Variants in GOLGB1 observed in about 807,000 individuals in gnomAD.
GOLGB1 encodes golgin subfamily B member 1.
In GOLGB1, 174 loss-of-function variants were observed where a neutral mutation model predicts 336.9. The ratio of observed to expected loss-of-function variants is 0.52; its 90% CI spans 0.46 to 0.59. GOLGB1 has a LOEUF of 0.59. GOLGB1 is among the 20% of genes least tolerant of loss of function. GOLGB1 has a pLI of 0.00. For synonymous variants in GOLGB1, 1,208 were observed against 1,289.2 expected, an observed-to-expected ratio of 0.94 and a Z score of 1.35; for missense variants, 3,331 against 3,645.3, an observed-to-expected ratio of 0.91 and a Z score of 2.22.
At chr3:121,681,437 T>C (rs1016162663) in intron 15 of GOLGB1, among the ~76,000 whole-genome samples, 2 of 152,126 alleles carry the variant, frequency 1.3e-5, no homozygotes, top group South Asian at 2.1e-4. Context: ...CAAAATTGCA[T>C]AGAACCACAC....
chr3:121,680,504 T>C (rs1428592923), intron 15 of GOLGB1, among the ~76,000 whole-genome samples: 3 of 151,998 alleles, frequency 2.0e-5, no homozygotes, highest in Non-Finnish European at 4.4e-5. Context: ...ATAGAAGATA[T>C]AAAGAAGAAC....
intron 17 of GOLGB1, among the ~76,000 whole-genome samples, chr3:121,673,703 C>A (rs1347674151): frequency 6.6e-6 from 1 of 151,564 alleles, no homozygotes; most frequent in South Asian, 2.1e-4. Context: ...ATCTATCTAT[C>A]TATCTATCTA....
In GOLGB1 at chr3:121,664,421, G is replaced by T; in HGVS notation, c.*59C>A. On this transcript the variant is annotated 3_prime_UTR_variant, in exon 22 of 22. Transcript: ENST00000614479. ...GTTCCACTGGAATTGATGTTCTGATGTTAGAGGTGAGAGAATTCCAAGTTT... is the reference window on the plus strand; with the variant it reads ...GTTCCACTGGAATTGATGTTCTGATTTTAGAGGTGAGAGAATTCCAAGTTT... 2.9e-6 allele frequency: 4 copies of T among 1,390,764 alleles called. No homozygotes were observed. The highest frequency in any genetic ancestry group is 4.1e-6 in the Non-Finnish European group (4 of 976,988). 86.2% of individuals were successfully genotyped at this position (1,390,764 alleles called of 1,614,324 possible).
intron 1 of GOLGB1, among the ~76,000 whole-genome samples, chr3:121,738,936 TA>T (rs1417959385): frequency 3.3e-5 from 5 of 152,146 alleles, no homozygotes; most frequent in Admixed American, 2.0e-4. Flanking sequence ...AATCTCTTTC[TA>T]AAAGTTCAGC....
At position 121,689,875 on chromosome 3, in the gene GOLGB1, C is replaced by T. The variant is rs575716794; in HGVS notation, c.8694+795G>A. On this transcript the variant is annotated intron_variant, in intron 14 of 21. Coordinates refer to ENST00000614479, the MANE Select transcript of GOLGB1 (RefSeq NM_001366282.2). ...TGGTGGCTCATGCCTGTAATCCCAGCTACTTGGGCGGCTGAGGCAGGAGGA... is the reference window on the plus strand; with the variant it reads ...TGGTGGCTCATGCCTGTAATCCCAGTTACTTGGGCGGCTGAGGCAGGAGGA... Among the ~76,000 whole-genome samples the T allele has an allele frequency of 9.2e-5, 14 of 152,312 alleles. No homozygotes were observed. In the East Asian group the frequency reaches 2.7e-3, roughly 29 times the overall value.
chr3:121,741,137 A>G (rs1320502607), intron 1 of GOLGB1, among the ~76,000 whole-genome samples: 1 of 152,210 alleles, frequency 6.6e-6, no homozygotes, highest in Non-Finnish European at 1.5e-5. Flanking sequence ...TAAAAAACAC[A>G]GACAAAATGT....
At chr3:121,732,896 G>T (rs952732292) in intron 1 of GOLGB1, among the ~76,000 whole-genome samples, 14 of 152,064 alleles carry the variant, frequency 9.2e-5, no homozygotes, top group African/African-American at 3.4e-4. Flanking sequence ...AAAAAGAAAA[G>T]AAATACAAAT....
rs559644890 is a variant in GOLGB1 at position 121,746,975 on chromosome 3, G to A, written c.-3+2657C>T. Among the ~76,000 whole-genome samples, 9 of 150,704 alleles carry A rather than the reference G, an allele frequency of 6.0e-5. No homozygotes were observed. In the South Asian group the frequency reaches 1.9e-3, roughly 32 times the overall value. On this transcript the variant is annotated intron_variant, in intron 1 of 21. Coordinates refer to ENST00000614479, the MANE Select transcript of GOLGB1 (RefSeq NM_001366282.2). The stretch of plus-strand genomic sequence containing the variant: ...TCTCATTATCCAATATTCTTTACTC[G>A]GGTTGAAAACAGAATGAAGGGATAA...
chr3:121,702,046 C>T (rs907839267), intron 11 of GOLGB1, among the ~76,000 whole-genome samples: 13 of 152,038 alleles, frequency 8.6e-5, no homozygotes, highest in Admixed American at 2.0e-4. Context: ...GGGTACAGCA[C>T]GAGCATAAAC....
Position 121,695,372 on chromosome 3 carries a change from C to G in GOLGB1, c.5151G>C (p.Glu1717Asp), listed in dbSNP as rs770409387. The G allele has an allele frequency of 6.2e-7, 1 of 1,614,010 alleles. No homozygotes were observed. Among genetic ancestry groups the G allele is most frequent in the Non-Finnish European group, 8.5e-7 (1 of 1,179,928 alleles). Reference sequence around the variant, plus strand: ...TGGAAGAAAGAAGTGTTTCCATACACTCTTTAGCTGTATCTCCTGCAGGGT... The same window carrying G: ...TGGAAGAAAGAAGTGTTTCCATACAGTCTTTAGCTGTATCTCCTGCAGGGT... ...EVHPAGDTAK[E>D]CMETLLSSNA... Residue 1717 changes from glutamate (E) to aspartate (D), a missense_variant, in exon 13 of 22, where the codon GAG becomes GAC. By Grantham distance (45) the Glu-to-Asp change is conservative. Coordinates refer to ENST00000614479, the MANE Select transcript of GOLGB1 (RefSeq NM_001366282.2).
intron 14 of GOLGB1, among the ~76,000 whole-genome samples, chr3:121,682,370 C>T: frequency 6.6e-6 from 1 of 151,908 alleles, no homozygotes; most frequent in East Asian, 1.9e-4. Flanking sequence ...CCTACTACTT[C>T]TTGGACGTGT....
chr3:121,725,058 G>A (rs1040695812), intron 5 of GOLGB1, among the ~76,000 whole-genome samples: 1 of 152,192 alleles, frequency 6.6e-6, no homozygotes. Flanking sequence ...CAATAGCCAG[G>A]GGGCTCAGGC....
intron 17 of GOLGB1, among the ~76,000 whole-genome samples, chr3:121,670,301 C>T (rs915550234): frequency 1.3e-5 from 2 of 152,076 alleles, no homozygotes; most frequent in South Asian, 2.1e-4. Flanking sequence ...ACCCAGTATA[C>T]CAGTTGCATG....
chr3:121,667,739 TA>T, intron 19 of GOLGB1, 129 bp from the exon 20 acceptor site: 1 of 779,622 alleles, frequency 1.3e-6, no homozygotes, highest in Non-Finnish European at 2.0e-6. Flanking sequence ...CACAATATTT[TA>T]AAAGCAAAGC....
At chr3:121,724,676 G>A (rs1407162882) in intron 5 of GOLGB1, among the ~76,000 whole-genome samples, 2 of 152,122 alleles carry the variant, frequency 1.3e-5, no homozygotes, top group African/African-American at 4.8e-5. Flanking sequence ...AAATTAACAC[G>A]GCTAAAAGGG....
Position 121,695,888 on chromosome 3 carries a change from C to A in GOLGB1, c.4635G>T (p.Arg1545Ser), listed in dbSNP as rs148168566. Residue 1545 changes from arginine to serine, a missense_variant, in exon 13 of 22, where the codon AGG becomes AGT. Physicochemically the swap from Arg to Ser is moderately radical, Grantham distance 110. Coordinates refer to ENST00000614479, the MANE Select transcript of GOLGB1 (RefSeq NM_001366282.2). The stretch of plus-strand genomic sequence containing the variant: ...CTCTTTCTTCTTGAAGAAGAGCTAA[C>A]CTTCCTAAGACCGTATCTTTTTCTT... ...QNKEKDTVLG[R>S]LALLQEERDK... 2 of 1,613,966 alleles carry A rather than the reference C, an allele frequency of 1.2e-6. No homozygotes were observed. Among genetic ancestry groups the A allele is most frequent in the Non-Finnish European group, 1.7e-6 (2 of 1,179,868 alleles).
intron 5 of GOLGB1, among the ~76,000 whole-genome samples, chr3:121,725,581 G>A (rs1945525345): frequency 6.6e-6 from 1 of 152,044 alleles, no homozygotes; most frequent in African/African-American, 2.4e-5. Flanking sequence ...TGGGGCTGTG[G>A]GGATGCAATT....
rs1405640245 is a variant in GOLGB1 at position 121,677,441 on chromosome 3, C to G, written c.8883G>C (p.Lys2961Asn). 1 of 1,605,740 alleles carries G rather than the reference C, an allele frequency of 6.2e-7. No homozygotes were observed. The highest frequency in any genetic ancestry group is 8.5e-7 in the Non-Finnish European group (1 of 1,172,826). ...TCCTCTCATGTATTTCCCAGGAACTCTTCTCCATCCTAGAAAAAACATGAC... is the reference window on the plus strand; with the variant it reads ...TCCTCTCATGTATTTCCCAGGAACTGTTCTCCATCCTAGAAAAAACATGAC... ...QHELHQLRME[K>N]SSWEIHERRM... Residue 2961 changes from lysine to asparagine, a missense_variant, in exon 16 of 22, where the codon AAG becomes AAC. Lys to Asn is a moderately conservative substitution (Grantham distance 94). Coordinates refer to ENST00000614479, the MANE Select transcript of GOLGB1 (RefSeq NM_001366282.2).
At chr3:121,680,700 G>A (rs1940969266) in intron 15 of GOLGB1, among the ~76,000 whole-genome samples, 1 of 152,178 alleles carries the variant, frequency 6.6e-6, no homozygotes, top group South Asian at 2.1e-4. Flanking sequence ...TGTTGAGGGA[G>A]ATGAAAAGAT....
Sources: allele counts gnomAD v4.1 joint callset (sites outside exome capture counted in the v4.1 genomes callset), GRCh38; gene constraint gnomAD v4.1.1; transcripts MANE v1.5; gene names NCBI Gene and HGNC (gene_info 2026-07-23, HGNC 2026-07-21).